MIB1: variants seen among roughly 807,000 people sequenced by gnomAD.
MIB1 encodes the protein E3 ubiquitin-protein ligase MIB1.
MIB1 carries 278 observed loss-of-function variants against 124.5 expected under a neutral mutation model. The observed-to-expected ratio is 2.23, with a 90% confidence interval of 2.02 to 2.47. The LOEUF (loss-of-function observed/expected upper bound fraction) is 2.47, where lower values mean the gene tolerates loss of function less well. MIB1 is among the 30% of genes most tolerant of loss of function. The pLI is 0.00. For synonymous variants in MIB1, 446 were observed against 429.4 expected (o/e 1.04, Z -0.48); for missense variants, 957 against 1,254.4 (o/e 0.76, Z 3.58).
chr18:21,791,172 ACT>A (rs1377172658), intron 6 of MIB1, among the ~76,000 whole-genome samples, 200 bp from the exon 7 acceptor site: 14 of 150,924 alleles, frequency 9.3e-5, no homozygotes, highest in African/African-American at 3.2e-4. Flanking sequence ...ACAGAGCAAG[ACT>A]CTGTCTAAAA....
chr18:21,859,136 G>A (rs1037001352), intron 20 of MIB1, among the ~76,000 whole-genome samples: 2 of 152,196 alleles, frequency 1.3e-5, no homozygotes, highest in African/African-American at 4.8e-5. Context: ...TAGTCCAGGC[G>A]CAGTGGTTCA....
intron 10 of MIB1, among the ~76,000 whole-genome samples, chr18:21,807,444 C>T (rs1467151246): frequency 7.9e-5 from 12 of 152,154 alleles, no homozygotes; most frequent in Non-Finnish European, 1.6e-4. Context: ...AACAAGACTA[C>T]AGCCCAAGAC....
chr18:21,765,717 T>C lies in MIB1; in HGVS notation c.230-55T>C, dbSNP rs2041149268. ...CTTATTTTTTTCCCCCAAGGAATAA[T>C]ATTCAAATAAATAAAATTTGTGATT... On this transcript the variant is annotated intron_variant, in intron 1 of 20. Transcript: ENST00000261537. The C allele has an allele frequency of 2.6e-6, 4 of 1,527,250 alleles. No homozygotes were observed. The South Asian group carries it at 4.8e-5, about 18-fold the overall frequency. The allele number at this position is 1,527,250 out of a possible 1,614,324, so 94.6% of individuals were successfully genotyped here.
chr18:21,732,277 G>A (rs1345379900), intron 1 of MIB1, among the ~76,000 whole-genome samples: 3 of 151,382 alleles, frequency 2.0e-5, no homozygotes, highest in Non-Finnish European at 4.4e-5. Flanking sequence ...GCAGTGAGCC[G>A]AGATCATGTC....
chr18:21,772,970 G>T (rs969934715), intron 3 of MIB1, among the ~76,000 whole-genome samples: 14 of 152,082 alleles, frequency 9.2e-5, no homozygotes, highest in African/African-American at 3.1e-4. Flanking sequence ...GGGCTTAAAA[G>T]AATATACTGT....
chr18:21,818,616 C>G (rs1194341790), intron 11 of MIB1, among the ~76,000 whole-genome samples: 3 of 152,140 alleles, frequency 2.0e-5, no homozygotes, highest in East Asian at 3.9e-4. Context: ...CCAGCATGGG[C>G]AACATACTGA....
chr18:21,840,885 A>G (rs1049129151), intron 13 of MIB1, among the ~76,000 whole-genome samples: 3 of 151,962 alleles, frequency 2.0e-5, no homozygotes, highest in Admixed American at 6.6e-5. Flanking sequence ...TTATCTGACA[A>G]TGAGGTGCAC....
intron 1 of MIB1, among the ~76,000 whole-genome samples, chr18:21,763,367 C>T (rs1225088492): frequency 6.6e-6 from 1 of 152,106 alleles, no homozygotes; most frequent in Non-Finnish European, 1.5e-5. Flanking sequence ...ATCTCCAAGT[C>T]TCTGGCTGTA....
intron 4 of MIB1, among the ~76,000 whole-genome samples, chr18:21,777,147 G>A (rs1183046419): frequency 6.6e-6 from 1 of 151,202 alleles, no homozygotes; most frequent in Non-Finnish European, 1.5e-5. Flanking sequence ...GGCCCGGCGT[G>A]GTGGCTTATG....
At chr18:21,855,914 G>A (rs1385937225) in intron 18 of MIB1, among the ~76,000 whole-genome samples, 1 of 152,244 alleles carries the variant, frequency 6.6e-6, no homozygotes, top group Non-Finnish European at 1.5e-5. Context: ...TAATTAACAA[G>A]TTTAGATGTA....
At chr18:21,852,743 A>G (rs1208485772) in intron 17 of MIB1, among the ~76,000 whole-genome samples, 1 of 152,180 alleles carries the variant, frequency 6.6e-6, no homozygotes, top group Non-Finnish European at 1.5e-5. Context: ...CTAGATTTTT[A>G]TTAATATTAG....
At chr18:21,839,550 G>C (rs1028575573) in intron 13 of MIB1, among the ~76,000 whole-genome samples, 51 of 152,244 alleles carry the variant, frequency 3.3e-4, no homozygotes, top group African/African-American at 1.1e-3. Context: ...TGTCACCCAG[G>C]CTGGAGTACA....
In MIB1 at chr18:21,791,576, A is replaced by G; in HGVS notation, c.1092+19A>G. Reference sequence around the variant, plus strand: ...GCTTCCAGTAAGTATGTTTAGAATAATTCTGGGCTAGAAATTACAATATAC... The same window carrying G: ...GCTTCCAGTAAGTATGTTTAGAATAGTTCTGGGCTAGAAATTACAATATAC... On this transcript the variant is annotated intron_variant, in intron 7 of 20. Coordinates refer to ENST00000261537, the MANE Select transcript of MIB1 (RefSeq NM_020774.4). The G allele has an allele frequency of 6.3e-7, 1 of 1,577,644 alleles. No homozygotes were observed. Among genetic ancestry groups the G allele is most frequent in the South Asian group, 1.1e-5 (1 of 87,512 alleles).
chr18:21,795,414 AT>A (rs1251904296), intron 7 of MIB1, among the ~76,000 whole-genome samples: 1 of 146,308 alleles, frequency 6.8e-6, no homozygotes, highest in Non-Finnish European at 1.5e-5. Flanking sequence ...ACACATATAT[AT>A]AATATATAAT....
intron 13 of MIB1, among the ~76,000 whole-genome samples, chr18:21,842,091 CAAAAAAAAAA>C (rs376834305): frequency 9.8e-4 from 35 of 35,688 alleles, no homozygotes; most frequent in African/African-American, 4.4e-3. Flanking sequence ...GACCCTATCT[CAAAAAAAAAA>C]AAAAAAAAAA....
chr18:21,808,216 A>G (rs932676271), intron 10 of MIB1, among the ~76,000 whole-genome samples: 18 of 152,308 alleles, frequency 1.2e-4, no homozygotes, highest in Admixed American at 1.2e-3. Flanking sequence ...TAGTTATCTC[A>G]TTTGGTAACC....
chr18:21,784,856 C>T (rs970939269), intron 6 of MIB1, among the ~76,000 whole-genome samples: 1 of 152,096 alleles, frequency 6.6e-6, no homozygotes, highest in Non-Finnish European at 1.5e-5. Context: ...CTCTGCTCCA[C>T]CACCTCTTGT....
At chr18:21,774,479 T>C (rs968596374) in intron 4 of MIB1, among the ~76,000 whole-genome samples, 2 of 152,168 alleles carry the variant, frequency 1.3e-5, no homozygotes, top group African/African-American at 4.8e-5. Context: ...TTCCAGCTAT[T>C]TGGGAGGCTG....
At chr18:21,743,195 G>A (rs2040874338) in intron 1 of MIB1, among the ~76,000 whole-genome samples, 1 of 152,178 alleles carries the variant, frequency 6.6e-6, no homozygotes, top group Non-Finnish European at 1.5e-5. Flanking sequence ...GTGTAGTCTT[G>A]CAGAATACTC....
Sources: allele counts gnomAD v4.1 joint callset (sites outside exome capture counted in the v4.1 genomes callset), GRCh38; gene constraint gnomAD v4.1.1; transcripts MANE v1.5; gene names NCBI Gene and HGNC (gene_info 2026-07-23, HGNC 2026-07-21).